The following NRG3 variants were observed in gnomAD, a reference collection of about 807,000 sequenced individuals.
NRG3 encodes pro-neuregulin-3, membrane-bound isoform.
In NRG3, 31 loss-of-function variants were observed where a neutral mutation model predicts 66.9. That is an observed-to-expected ratio of 0.46 (90% CI 0.35 to 0.63). The LOEUF (loss-of-function observed/expected upper bound fraction) is 0.63, where lower values mean the gene tolerates loss of function less well. Ranked by LOEUF, NRG3 falls within the 20% of genes least tolerant of loss-of-function variation. NRG3 has a pLI of 0.00. For synonymous variants in NRG3, 393 were observed against 359.4 expected, an observed-to-expected ratio of 1.09 and a Z score of -1.06; for missense variants, 910 against 878.9, an observed-to-expected ratio of 1.04 and a Z score of -0.45.
chr10:82,718,955 T>G (rs187672300), intron 2 of NRG3, among the ~76,000 whole-genome samples: 23 of 152,356 alleles, frequency 1.5e-4, no homozygotes, highest in Non-Finnish European at 2.6e-4. Flanking sequence ...ATAATGTAGC[T>G]TTCTTTATTT....
At chr10:82,244,974 C>T (rs2077171490) in intron 1 of NRG3, among the ~76,000 whole-genome samples, 1 of 152,128 alleles carries the variant, frequency 6.6e-6, no homozygotes, top group African/African-American at 2.4e-5. Flanking sequence ...GCTCAATCTG[C>T]CCTCCTCAGC....
intron 2 of NRG3, among the ~76,000 whole-genome samples, chr10:82,462,639 C>A (rs1400000213): frequency 6.6e-6 from 1 of 152,048 alleles, no homozygotes; most frequent in Non-Finnish European, 1.5e-5. Context: ...TAGGAATATT[C>A]ATCTCACTGG....
intron 2 of NRG3, among the ~76,000 whole-genome samples, chr10:82,604,749 T>C (rs1001635066): frequency 6.6e-6 from 1 of 152,160 alleles, no homozygotes; most frequent in Non-Finnish European, 1.5e-5. Context: ...ATGGAGAAAT[T>C]ATAGTCTTTT....
intron 1 of NRG3, among the ~76,000 whole-genome samples, chr10:82,037,666 C>A (rs1006773767): frequency 6.6e-6 from 1 of 152,082 alleles, no homozygotes; most frequent in African/African-American, 2.4e-5. Context: ...CACGATGAGG[C>A]CTTATTCCAA....
chr10:82,882,382 CT>C (rs1177296686), intron 4 of NRG3, among the ~76,000 whole-genome samples: 4 of 152,166 alleles, frequency 2.6e-5, no homozygotes, highest in Non-Finnish European at 5.9e-5. Context: ...GTTCCTTAAG[CT>C]TTGGCAACAT....
chr10:82,650,161 C>T (rs114918818), intron 2 of NRG3, among the ~76,000 whole-genome samples: 1,602 of 152,216 alleles, frequency 0.011, 26 homozygotes, highest in African/African-American at 0.037. Context: ...CAAAATATTA[C>T]GCTTCTTCTT....
intron 2 of NRG3, among the ~76,000 whole-genome samples, chr10:82,548,521 T>TCACACA (rs762454289): frequency 9.2e-6 from 1 of 108,398 alleles, no homozygotes; most frequent in Non-Finnish European, 1.8e-5. Flanking sequence ...ACATTCTGTC[T>TCACACA]CTCACACACA....
chr10:82,657,426 A>G (rs1357188588), intron 2 of NRG3, among the ~76,000 whole-genome samples: 2 of 152,170 alleles, frequency 1.3e-5, no homozygotes, highest in East Asian at 3.9e-4. Context: ...AGATGTCAAT[A>G]TTATTTTCAA....
chr10:82,946,279 G>A (rs908378919), intron 4 of NRG3, among the ~76,000 whole-genome samples: 32 of 151,496 alleles, frequency 2.1e-4, no homozygotes, highest in South Asian at 4.2e-4. Context: ...ATTGGCTCGC[G>A]CCTGTAATCC....
intron 1 of NRG3, among the ~76,000 whole-genome samples, chr10:82,254,817 G>C (rs1192908751): frequency 2.0e-5 from 3 of 150,818 alleles, no homozygotes; most frequent in Non-Finnish European, 4.4e-5. Flanking sequence ...GAAAGTATAA[G>C]ACAAATGTTG....
intron 1 of NRG3, among the ~76,000 whole-genome samples, chr10:81,983,599 G>C (rs897347485): frequency 6.6e-6 from 1 of 152,090 alleles, no homozygotes; most frequent in African/African-American, 2.4e-5. Flanking sequence ...ACTACCTACT[G>C]TGTTCTAGGC....
chr10:82,582,938 A>G (rs1034675132), intron 2 of NRG3, among the ~76,000 whole-genome samples: 1 of 152,116 alleles, frequency 6.6e-6, no homozygotes, highest in Non-Finnish European at 1.5e-5. Context: ...TTGGCAAGTC[A>G]TTTTCTCCCC....
intron 2 of NRG3, among the ~76,000 whole-genome samples, chr10:82,372,984 CTGATCATTGT>C (rs1270950788): frequency 6.6e-6 from 1 of 152,214 alleles, no homozygotes; most frequent in African/African-American, 2.4e-5. Context: ...GCGTTGACCA[CTGATCATTGT>C]TGAATAATGA....
At chr10:81,989,026 C>A (rs992725685) in intron 1 of NRG3, among the ~76,000 whole-genome samples, 1 of 151,946 alleles carries the variant, frequency 6.6e-6, no homozygotes, top group Non-Finnish European at 1.5e-5. Flanking sequence ...GTGGTTAGAG[C>A]AGAAATGAAA....
intron 3 of NRG3, among the ~76,000 whole-genome samples, chr10:82,792,979 T>C (rs990073202): frequency 6.6e-6 from 1 of 151,884 alleles, no homozygotes; most frequent in African/African-American, 2.4e-5. Flanking sequence ...CCACAGAGGT[T>C]TTTTGTTTGT....
At chr10:82,027,107 T>C (rs10884053) in intron 1 of NRG3, among the ~76,000 whole-genome samples, 25,687 of 152,098 alleles carry the variant, frequency 0.17, 2,409 homozygotes, top group Middle Eastern at 0.22. Context: ...GCATCCTTTA[T>C]TTTCTGGGCA....
intron 2 of NRG3, among the ~76,000 whole-genome samples, chr10:82,418,433 T>C (rs1184456298): frequency 6.8e-6 from 1 of 147,590 alleles, no homozygotes; most frequent in Non-Finnish European, 1.5e-5. Context: ...CAAATGTTTA[T>C]GCAAATTAAC....
intron 1 of NRG3, among the ~76,000 whole-genome samples, chr10:81,935,876 A>AACACACACACACAC (rs55670416): frequency 3.8e-5 from 5 of 132,440 alleles, no homozygotes; most frequent in Admixed American, 7.7e-5. Flanking sequence ...TCAGTGCCTG[A>AACACACACACACAC]ACACACACAC....
chr10:82,884,506 A>G (rs1282369975), intron 4 of NRG3, among the ~76,000 whole-genome samples: 1 of 152,062 alleles, frequency 6.6e-6, no homozygotes, highest in Non-Finnish European at 1.5e-5. Context: ...AAACTAAAGT[A>G]ATTTTTAAAA....
Sources: gnomAD v4.1 joint callset for allele counts (sites outside exome capture counted in the v4.1 genomes callset) on GRCh38, gnomAD v4.1.1 for gene constraint, MANE v1.5 for transcripts, NCBI Gene and HGNC (gene_info 2026-07-23, HGNC 2026-07-21) for gene names.